The following ZNF536 variants were observed in gnomAD, a reference collection of about 807,000 sequenced individuals.
ZNF536 encodes zinc finger protein 536.
Under a neutral mutation model 84.5 loss-of-function variants are expected in ZNF536, and 13 were observed. That is an observed-to-expected ratio of 0.15 (90% CI 0.10 to 0.24). ZNF536 has a LOEUF of 0.24. Ranked by LOEUF, ZNF536 falls within the 10% of genes least tolerant of loss-of-function variation. The probability of loss-of-function intolerance (pLI) is 1.00; values close to 1 mark genes in which losing one functional copy is unlikely to be tolerated. For synonymous variants in ZNF536, 811 were observed against 742.5 expected, an observed-to-expected ratio of 1.09 and a Z score of -1.50; for missense variants, 1,536 against 1,747.5, an observed-to-expected ratio of 0.88 and a Z score of 2.16.
At chr19:30,315,380 G>A (rs1261753184) in intron 2 of ZNF536, among the ~76,000 whole-genome samples, 2 of 152,156 alleles carry the variant, frequency 1.3e-5, no homozygotes, top group Non-Finnish European at 2.9e-5. Flanking sequence ...TGGAGGAGGT[G>A]GCCTGGAAAA....
At position 30,309,832 on chromosome 19, in the gene ZNF536, C is replaced by T. The variant is rs16964091; in HGVS notation, c.-120+25691C>T. ...CTGCATCCCTGTCGCAGGGTGACTT[C>T]GACGGCTTTGCTCGAAAAGTTTGGT... On this transcript the variant is annotated intron_variant, in intron 2 of 5. Coordinates refer to the ZNF536 transcript ENST00000585628. 8.0e-3 allele frequency among the ~76,000 whole-genome samples: 1,225 copies of T among 152,176 alleles called. 22 individuals are homozygous for T. Among genetic ancestry groups the T allele is most frequent in the African/African-American group, 0.028 (1,178 of 41,488 alleles).
chr19:30,599,516 T>A lies in ZNF536; in HGVS notation c.169+50002T>A, dbSNP rs984627883. On this transcript the variant is annotated intron_variant, in intron 1 of 1. Coordinates refer to the ZNF536 transcript ENST00000592773. ...CTTCCTTCCCTCCTTCCTTTCTACC[T>A]TCCTTCCCTCCCCCAGCCCTTGTCT... Among the ~76,000 whole-genome samples, 11 of 87,066 alleles carry A rather than the reference T, an allele frequency of 1.3e-4. No homozygotes were observed. In the South Asian group the frequency reaches 5.0e-3, roughly 40 times the overall value. 57.1% of individuals were successfully genotyped at this position (87,066 alleles called of 152,430 possible).
chr19:30,400,845 G>A (rs1454433272), intron 1 of ZNF536, among the ~76,000 whole-genome samples: 1 of 152,116 alleles, frequency 6.6e-6, no homozygotes, highest in Non-Finnish European at 1.5e-5. Context: ...TTTCTGCAGA[G>A]CAAAAAATTT....
In ZNF536 at chr19:30,436,372, A is replaced by G. The variant is rs568069830; in HGVS notation, c.-2-7189A>G. On this transcript the variant is annotated intron_variant, in intron 1 of 4. Coordinates refer to ENST00000355537, the MANE Select transcript of ZNF536 (RefSeq NM_014717.3). ...CTGCCCTCCTGTTCATCTATTAATC[A>G]TCTGGCAAATAAACCACTCAGTATC... 12 of 383,440 alleles carry G rather than the reference A, an allele frequency of 3.1e-5. No individual in the cohort carries two copies. In the South Asian group the frequency reaches 3.2e-4, roughly 10 times the overall value. The allele number at this position is 383,440 out of a possible 1,614,324, so 23.8% of individuals were successfully genotyped here.
At chr19:30,250,771 A>T (rs986897321) in intron 1 of ZNF536, among the ~76,000 whole-genome samples, 3 of 151,592 alleles carry the variant, frequency 2.0e-5, no homozygotes, top group African/African-American at 7.3e-5. Context: ...TTCAAAAGGC[A>T]CCATAAAGGC....
At chr19:30,256,661 C>CA (rs2024932197) in intron 1 of ZNF536, among the ~76,000 whole-genome samples, 1 of 152,092 alleles carries the variant, frequency 6.6e-6, no homozygotes, top group Admixed American at 6.5e-5. Flanking sequence ...TTATTAGCAA[C>CA]AGGAGCTCTC....
chr19:30,367,160 A>T (rs1276266739), intron 3 of ZNF536, among the ~76,000 whole-genome samples: 1 of 152,084 alleles, frequency 6.6e-6, no homozygotes, highest in Non-Finnish European at 1.5e-5. Flanking sequence ...CTGACCTCTC[A>T]CCTCTGAAAG....
intron 1 of ZNF536, among the ~76,000 whole-genome samples, chr19:30,695,943 G>A (rs749357249): frequency 2.0e-5 from 3 of 152,152 alleles, no homozygotes; most frequent in East Asian, 1.9e-4. Context: ...GGAGGGAAGC[G>A]AGGGATATTA....
intron 2 of ZNF536, among the ~76,000 whole-genome samples, chr19:30,502,888 G>A (rs1004200429): frequency 6.6e-6 from 1 of 152,118 alleles, no homozygotes; most frequent in African/African-American, 2.4e-5. Flanking sequence ...CCCAGATGTG[G>A]CAAGGAGTTA....
chr19:30,311,320 A>T (rs549989811), intron 2 of ZNF536, among the ~76,000 whole-genome samples: 1 of 152,250 alleles, frequency 6.6e-6, no homozygotes, highest in African/African-American at 2.4e-5. Flanking sequence ...CCCTTTTGCC[A>T]CCCCTGTGTG....
At chr19:30,366,680 A>G (rs2048448005) in intron 3 of ZNF536, among the ~76,000 whole-genome samples, 1 of 150,690 alleles carries the variant, frequency 6.6e-6, no homozygotes, top group African/African-American at 2.5e-5. Context: ...CTTCTCTTTC[A>G]TCCTACTTGA....
intron 1 of ZNF536, among the ~76,000 whole-genome samples, chr19:30,278,302 G>T (rs570958584): frequency 6.6e-6 from 1 of 152,144 alleles, no homozygotes; most frequent in African/African-American, 2.4e-5. Flanking sequence ...GAATTGGCTC[G>T]TTTGAGTGGT....
chr19:30,537,445 C>T (rs538301384), intron 3 of ZNF536, among the ~76,000 whole-genome samples: 120 of 152,252 alleles, frequency 7.9e-4, no homozygotes, highest in Non-Finnish European at 1.6e-3. Context: ...CGACACAGAA[C>T]CCTGGACCAC....
chr19:30,483,508 A>G (rs894210254), intron 2 of ZNF536, among the ~76,000 whole-genome samples: 6 of 132,596 alleles, frequency 4.5e-5, no homozygotes, highest in Non-Finnish European at 8.0e-5. Flanking sequence ...CCATCCAACA[A>G]CCAGAACACC....
chr19:30,390,796 C>T (rs897730005), intron 1 of ZNF536, among the ~76,000 whole-genome samples: 5 of 152,120 alleles, frequency 3.3e-5, no homozygotes, highest in Non-Finnish European at 5.9e-5. Context: ...TTGGCATCAC[C>T]GCCAGCCCCC....
chr19:30,443,043 GTTTT>G (rs199802157), intron 1 of ZNF536, among the ~76,000 whole-genome samples: 105 of 135,470 alleles, frequency 7.8e-4, no homozygotes, highest in South Asian at 2.6e-3. Flanking sequence ...TTTTTTGTTT[GTTTT>G]TTTTTTTTTT....
chr19:30,629,552 C>T (rs562081193), intron 1 of ZNF536, among the ~76,000 whole-genome samples: 1 of 152,312 alleles, frequency 6.6e-6, no homozygotes, highest in African/African-American at 2.4e-5. Context: ...TCCTTATTAT[C>T]TCTTTTGTAA....
At chr19:30,408,090 A>T (rs1303393818) in intron 1 of ZNF536, among the ~76,000 whole-genome samples, 1 of 152,172 alleles carries the variant, frequency 6.6e-6, no homozygotes, top group Non-Finnish European at 1.5e-5. Context: ...GAGGTGGGTT[A>T]TGAGAAAGAT....
At chr19:30,479,310 A>C (rs2053976011) in intron 2 of ZNF536, among the ~76,000 whole-genome samples, 1 of 152,180 alleles carries the variant, frequency 6.6e-6, no homozygotes, top group African/African-American at 2.4e-5. Context: ...GAGCACCATG[A>C]GAATGGAGCA....
Sources: allele counts gnomAD v4.1 joint callset (sites outside exome capture counted in the v4.1 genomes callset), GRCh38; gene constraint gnomAD v4.1.1; transcripts MANE v1.5; gene names NCBI Gene and HGNC (gene_info 2026-07-23, HGNC 2026-07-21).